The following PSCA variants were observed in gnomAD, a reference collection of about 807,000 sequenced individuals.
PSCA encodes the protein prostate stem cell antigen.
PSCA carries 7 observed loss-of-function variants against 7.9 expected under a neutral mutation model. That is an observed-to-expected ratio of 0.89 (90% CI 0.51 to 1.67). PSCA has a LOEUF of 1.67. Among genes scored for constraint, PSCA ranks in the 40% most tolerant of loss-of-function variants. The probability of loss-of-function intolerance (pLI) is 0.00; values close to 1 mark genes in which losing one functional copy is unlikely to be tolerated. For missense variants in PSCA, 151 were observed against 147.9 expected (o/e 1.02, Z -0.11); for synonymous variants, 61 against 68.3 (o/e 0.89, Z 0.53).
Position 142,681,922 on chromosome 8 carries a change from C to T in PSCA, c.135C>T (p.Arg45=), listed in dbSNP as rs587617377. The T allele has an allele frequency of 5.9e-6, 9 of 1,530,386 alleles. No individual in the cohort carries two copies. Among genetic ancestry groups the T allele is most frequent in the Admixed American group, 4.0e-5 (2 of 50,258 alleles). 94.8% of individuals were successfully genotyped at this position (1,530,386 alleles called of 1,614,324 possible). ...LGEQCWTARI[R]AVGLLTVISK... Reference sequence around the variant, plus strand: ...TCCCCGGATCCCGCTGCTCCCCAGGCGCAGTTGGCCTCCTGACCGTCATCA... The same window carrying T: ...TCCCCGGATCCCGCTGCTCCCCAGGTGCAGTTGGCCTCCTGACCGTCATCA... Residue 45 remains arginine, a splice_region_variant and synonymous_variant, in exon 3 of 3, where the codon CGC becomes CGT. Coordinates refer to ENST00000301258, the MANE Select transcript of PSCA (RefSeq NM_005672.5).
chr8:142,680,626 A>G lies in PSCA; in HGVS notation c.25+63A>G, dbSNP rs781999057. On this transcript the variant is annotated intron_variant, in intron 1 of 2. Transcript: ENST00000301258. ...GGGGTGAGCCGGGGAGGCCAGAGGG[A>G]TACCTGCAGGGCACACGGAGAGGAG... 2.6e-6 allele frequency: 4 copies of G among 1,538,388 alleles called. No individual in the cohort carries two copies. The South Asian group carries it at 4.8e-5, about 18-fold the overall frequency.
At chr8:142,677,023 G>A, upstream of PSCA, among the ~76,000 whole-genome samples, 1 of 152,198 alleles carries the variant, frequency 6.6e-6, no homozygotes, top group East Asian at 1.9e-4. Flanking sequence ...AAAAATCAGA[G>A]GGTGACCACA....
chr8:142,671,773 C>T (rs914404347), intron 1 of PSCA, among the ~76,000 whole-genome samples: 1 of 152,164 alleles, frequency 6.6e-6, no homozygotes, highest in South Asian at 2.1e-4. Context: ...GTCTCGAGCT[C>T]GTGGACTCAA....
In PSCA at chr8:142,681,418, C is replaced by T; in HGVS notation, c.117C>T (p.Cys39=). 1 of 1,590,564 alleles carries T rather than the reference C, an allele frequency of 6.3e-7. No homozygotes were observed. Among genetic ancestry groups the T allele is most frequent in the Non-Finnish European group, 8.6e-7 (1 of 1,168,914 alleles). ...VENCTQLGEQ[C]WTARIRAVGL... ...ACTGCACCCAGCTGGGGGAGCAGTG[C>T]TGGACCGCGCGCATCCGTGAGTGGG... The change falls in exon 2 of 3, where the codon TGC becomes TGT. Residue 39 remains cysteine (C), a synonymous_variant. Transcript: ENST00000301258.
At position 142,673,938 on chromosome 8, in the gene PSCA, A is replaced by G. The variant is rs1192146452; in HGVS notation, n.261+3370A>G. 1.3e-5 allele frequency among the ~76,000 whole-genome samples: 2 copies of G among 152,124 alleles called. No individual in the cohort carries two copies. Among genetic ancestry groups the G allele is most frequent in the Non-Finnish European group, 2.9e-5 (2 of 68,026 alleles). ...TTTCAGTCTAACCTCAGCAGAGCTC[A>G]GATCCCCTCATCTTCCTAATGAATA... is the stretch of plus-strand genomic sequence containing the variant. On this transcript the variant is annotated intron_variant and non_coding_transcript_variant, in intron 1 of 1. Coordinates refer to the PSCA transcript ENST00000505305. The surrounding 1 kb of genome is among the most constrained non-coding windows in gnomAD (Gnocchi z 4.6).
In PSCA at chr8:142,682,340, T is replaced by C. The variant is rs781809201; in HGVS notation, c.*208T>C. 1.4e-6 allele frequency: 1 copy of C among 715,932 alleles called. No homozygotes were observed. Among genetic ancestry groups the C allele is most frequent in the Non-Finnish European group, 2.5e-6 (1 of 398,508 alleles). The allele number at this position is 715,932 out of a possible 1,614,324, so 44.3% of individuals were successfully genotyped here. A position where few individuals can be genotyped will look rare whatever the true frequency, so the allele number is the denominator to read the frequency against. On this transcript the variant is annotated 3_prime_UTR_variant, in exon 3 of 3. Transcript: ENST00000301258. ...CTCCCACCCGGCAGATCGGCTCTAT[T>C]GACACAGATCCGCCTGCAGATGGCC...
At position 142,682,097 on chromosome 8, in the gene PSCA, C is replaced by G. The variant is rs781925542; in HGVS notation, c.310C>G (p.Leu104Val). The change falls in exon 3 of 3, where the codon CTC becomes GTC. Residue 104 changes from leucine to valine, a missense_variant. Leu to Val is a conservative substitution (Grantham distance 32). Coordinates refer to ENST00000301258, the MANE Select transcript of PSCA (RefSeq NM_005672.5). Reference sequence around the variant, plus strand: ...TGCCATCCTTGCGCTGCTCCCTGCACTCGGCCTGCTGCTCTGGGGACCCGG... The same window carrying G: ...TGCCATCCTTGCGCTGCTCCCTGCAGTCGGCCTGCTGCTCTGGGGACCCGG... ...AAAILALLPA[L>V]GLLLWGPGQL 6.2e-7 allele frequency: 1 copy of G among 1,604,470 alleles called. No homozygotes were observed. The highest frequency in any genetic ancestry group is 2.2e-5 in the East Asian group (1 of 44,862).
chr8:142,675,876 C>T (rs782633347), upstream of PSCA: 7 of 152,246 alleles, frequency 4.6e-5, no homozygotes, highest in Non-Finnish European at 1.0e-4. Flanking sequence ...AGCAAAGATG[C>T]TAAAAACTGA....
upstream of PSCA, among the ~76,000 whole-genome samples, chr8:142,678,045 C>G (rs1847418526): frequency 6.6e-6 from 1 of 152,106 alleles, no homozygotes; most frequent in Non-Finnish European, 1.5e-5. Flanking sequence ...ATCCCAGACT[C>G]AAGGTGAGAC....
chr8:142,674,258 T>G (rs1264316804), intron 1 of PSCA, among the ~76,000 whole-genome samples: 12 of 133,288 alleles, frequency 9.0e-5, no homozygotes, highest in Non-Finnish European at 9.4e-5. Flanking sequence ...TCAGCAGAGC[T>G]CAGATCCCCC....
intron 1 of PSCA, among the ~76,000 whole-genome samples, chr8:142,672,973 A>T (rs148328550): frequency 6.6e-6 from 1 of 152,218 alleles, no homozygotes; most frequent in Non-Finnish European, 1.5e-5. Flanking sequence ...TCCTTGCTGT[A>T]CACATGGCTG....
At position 142,673,346 on chromosome 8, in the gene PSCA, A is replaced by G. The variant is rs587674332; in HGVS notation, n.261+2778A>G. ...AAACTGGGGCCTCATCCCAAGATGCATGGGGCTCCTCCAGGTGCTCCTACC... is the reference window on the plus strand; with the variant it reads ...AAACTGGGGCCTCATCCCAAGATGCGTGGGGCTCCTCCAGGTGCTCCTACC... On this transcript the variant is annotated intron_variant and non_coding_transcript_variant, in intron 1 of 1. Coordinates refer to the PSCA transcript ENST00000505305. The surrounding 1 kb of genome is among the most constrained non-coding windows in gnomAD (Gnocchi z 4.6). 1.1e-4 allele frequency among the ~76,000 whole-genome samples: 17 copies of G among 152,242 alleles called. No homozygotes were observed. Among genetic ancestry groups the G allele is most frequent in the African/African-American group, 4.1e-4 (17 of 41,544 alleles).
At chr8:142,678,196 C>A (rs1161307934), upstream of PSCA, among the ~76,000 whole-genome samples, 1 of 152,148 alleles carries the variant, frequency 6.6e-6, no homozygotes, top group Non-Finnish European at 1.5e-5. Flanking sequence ...ATCCTCACCA[C>A]CCCCTAAAAT....
upstream of PSCA, among the ~76,000 whole-genome samples, chr8:142,678,003 T>A (rs1409421698): frequency 6.6e-6 from 1 of 152,024 alleles, no homozygotes; most frequent in Non-Finnish European, 1.5e-5. Context: ...GGGTCTTGCA[T>A]CGTCCCTGCC....
chr8:142,674,418 G>T (rs587692755), intron 1 of PSCA, among the ~76,000 whole-genome samples: 3 of 151,264 alleles, frequency 2.0e-5, no homozygotes, highest in African/African-American at 7.4e-5. Flanking sequence ...ATGAATAACG[G>T]CTGGGAATCA....
At chr8:142,675,036 C>G (rs1345681673) in intron 1 of PSCA, among the ~76,000 whole-genome samples, 5 of 152,254 alleles carry the variant, frequency 3.3e-5, no homozygotes, top group Non-Finnish European at 7.3e-5. Context: ...GTCCTTTGCT[C>G]AGGTGCCGGA....
upstream of PSCA, chr8:142,680,241 G>A (rs948073696): frequency 4.2e-6 from 2 of 480,588 alleles, no homozygotes; most frequent in Non-Finnish European, 7.6e-6. Flanking sequence ...GGTGGGAGAG[G>A]CATAATCTGG....
chr8:142,680,653 G>T, intron 1 of PSCA, 90 bp downstream of exon 1: 1 of 1,485,614 alleles, frequency 6.7e-7, no homozygotes, highest in Non-Finnish European at 9.1e-7. Flanking sequence ...GGAGAGGAGG[G>T]GAAGGAAGGA....
Position 142,673,178 on chromosome 8 carries a change from A to C in PSCA, n.261+2610A>C, listed in dbSNP as rs916741956. 6.6e-6 allele frequency among the ~76,000 whole-genome samples: 1 copy of C among 152,134 alleles called. No homozygotes were observed. Among genetic ancestry groups the C allele is most frequent in the African/African-American group, 2.4e-5 (1 of 41,412 alleles). On this transcript the variant is annotated intron_variant and non_coding_transcript_variant, in intron 1 of 1. Transcript: ENST00000505305. The surrounding 1 kb of genome is among the most constrained non-coding windows in gnomAD (Gnocchi z 4.6). ...GAGCCTGCTTTTCATTAAAAGGAAA[A>C]CCTTACTGAGGACTTCCTTACCCTC...
Sources: allele counts gnomAD v4.1 joint callset (sites outside exome capture counted in the v4.1 genomes callset), GRCh38; gene constraint gnomAD v4.1.1; non-coding constraint Gnocchi (gnomAD v3.1); transcripts MANE v1.5; gene names NCBI Gene and HGNC (gene_info 2026-07-23, HGNC 2026-07-21).